Variants in COL4A2 observed in about 807,000 individuals in gnomAD.
COL4A2 encodes the protein collagen alpha-2(IV) chain.
Under a neutral mutation model 200.2 loss-of-function variants are expected in COL4A2, and 99 were observed. The observed-to-expected ratio is 0.49, with a 90% CI of 0.42 to 0.58. The LOEUF is 0.58. COL4A2 is among the 20% of genes least tolerant of loss of function. COL4A2 has a pLI of 0.00. For synonymous variants in COL4A2, 897 were observed against 900.6 expected (o/e 1.00, Z 0.07); for missense variants, 1,950 against 2,314.1 (o/e 0.84, Z 3.23).
intron 4 of COL4A2, among the ~76,000 whole-genome samples, chr13:110,422,142 G>A (rs1330226024): frequency 6.6e-6 from 1 of 152,198 alleles, no homozygotes; most frequent in Admixed American, 6.5e-5. Flanking sequence ...ACAGCCGGCA[G>A]ACACTAACAA....
chr13:110,393,907 A>T (rs1469809887), intron 4 of COL4A2, among the ~76,000 whole-genome samples: 1 of 152,198 alleles, frequency 6.6e-6, no homozygotes, highest in East Asian at 1.9e-4. Flanking sequence ...CATGACTCAG[A>T]TACAATGAGG....
In COL4A2 at chr13:110,465,559, C is replaced by G; in HGVS notation, c.1931C>G (p.Pro644Arg). The change falls in exon 25 of 48, where the codon CCA becomes CGA. Residue 644 changes from proline (P) to arginine (R), a missense_variant. Transcript: ENST00000360467. ...FPGDAGLPGPPGFLGPPGPAG... is the reference protein window; with the variant it reads ...FPGDAGLPGPRGFLGPPGPAG... ...GGAGACGCCGGCTTACCTGGACCAC[C>G]AGGCTTCCTGGGCCCTCCTGGCCCC... 1 of 1,613,948 alleles carries G rather than the reference C, an allele frequency of 6.2e-7. No homozygotes were observed. The highest frequency in any genetic ancestry group is 8.5e-7 in the Non-Finnish European group (1 of 1,179,974).
At chr13:110,351,277 G>C (rs193094055) in intron 3 of COL4A2, among the ~76,000 whole-genome samples, 23 of 152,076 alleles carry the variant, frequency 1.5e-4, no homozygotes, top group Non-Finnish European at 2.9e-4. Flanking sequence ...GTTTTGCTTT[G>C]TTACCCAGGC....
At chr13:110,366,945 A>G (rs1877782275) in intron 4 of COL4A2, among the ~76,000 whole-genome samples, 3 of 152,200 alleles carry the variant, frequency 2.0e-5, no homozygotes, top group Admixed American at 2.0e-4. Context: ...GAAGCGCTCA[A>G]GGTGTCAGAG....
rs760399386 is a variant in COL4A2, at chr13:110,507,940, G to T, written c.4600G>T (p.Ala1534Ser). ...CATGACCCCTCCTTCCACAGGGCTGGCGGGCTCCTGCCTGGCGCGGTTCAG... is the reference window on the plus strand; with the variant it reads ...CATGACCCCTCCTTCCACAGGGCTGTCGGGCTCCTGCCTGGCGCGGTTCAG... ...EKAHNQDLGLAGSCLARFSTM... is the reference protein window; with the variant it reads ...EKAHNQDLGLSGSCLARFSTM... Residue 1534 changes from alanine (A) to serine (S), a missense_variant, in exon 47 of 48, where the codon GCG becomes TCG. Around this residue, in one of 2 missense-constraint regions of COL4A2, gnomAD observed 1,385 missense variants for 1,720.5 expected, o/e 0.80. Coordinates refer to ENST00000360467, the MANE Select transcript of COL4A2 (RefSeq NM_001846.4). 5.6e-6 allele frequency: 9 copies of T among 1,613,224 alleles called. No homozygotes were observed. The highest frequency in any genetic ancestry group is 5.0e-5 in the Admixed American group (3 of 59,992).
intron 34 of COL4A2, 22 bp downstream of exon 34, chr13:110,485,858 C>G (rs770221305): frequency 1.2e-6 from 2 of 1,611,258 alleles, no homozygotes; most frequent in South Asian, 2.2e-5. Context: ...TCTTTTACTC[C>G]CCTTGTTCTG....
intron 4 of COL4A2, among the ~76,000 whole-genome samples, chr13:110,415,595 C>CTATCGTATCGTA (rs1566520832): frequency 2.0e-5 from 3 of 152,206 alleles, no homozygotes; most frequent in Admixed American, 2.0e-4. Context: ...GCGGAACCAA[C>CTATCGTATCGTA]TCAATATAAT....
chr13:110,421,107 A>G (rs1880234743), intron 4 of COL4A2, among the ~76,000 whole-genome samples: 2 of 152,254 alleles, frequency 1.3e-5, no homozygotes, highest in African/African-American at 4.8e-5. Context: ...TGGTGAGGAT[A>G]CAGAGGAATT....
At chr13:110,313,576 C>G (rs1389417124) in intron 3 of COL4A2, among the ~76,000 whole-genome samples, 5 of 46,258 alleles carry the variant, frequency 1.1e-4, no homozygotes, top group Non-Finnish European at 2.1e-4. Flanking sequence ...CCCCAGTGCC[C>G]CGTGTCCACC....
intron 27 of COL4A2, chr13:110,468,115 A>G: frequency 2.1e-6 from 1 of 470,168 alleles, no homozygotes; most frequent in Admixed American, 2.3e-5. Flanking sequence ...TATGAACAGC[A>G]ATGAGAGTTA....
At chr13:110,386,565 C>A (rs1181343811) in intron 4 of COL4A2, among the ~76,000 whole-genome samples, 1 of 152,166 alleles carries the variant, frequency 6.6e-6, no homozygotes, top group African/African-American at 2.4e-5. Context: ...TATAAGGCAA[C>A]TAGTGCACCA....
Position 110,512,039 on chromosome 13 carries a change from G to A in COL4A2, c.4987G>A (p.Gly1663Ser), listed in dbSNP as rs12877501. The change falls in exon 48 of 48, where the codon GGC becomes AGC. Residue 1663 changes from glycine (G) to serine (S), a missense_variant. By Grantham distance (56) the Gly-to-Ser change is moderately conservative. Coordinates refer to ENST00000360467, the MANE Select transcript of COL4A2 (RefSeq NM_001846.4). Reference protein sequence around the residue: ...TPFIECNGGRGTCHYYANKYS... With the variant: ...TPFIECNGGRSTCHYYANKYS... The stretch of plus-strand genomic sequence containing the variant: ...ATTCATCGAATGCAATGGAGGCCGC[G>A]GCACCTGCCACTACTACGCCAACAA... 7.2e-4 allele frequency: 1,161 copies of A among 1,613,506 alleles called. 3 individuals are homozygous for A. The highest frequency in any genetic ancestry group is 9.3e-4 in the Non-Finnish European group (1,100 of 1,180,032).
chr13:110,457,488 C>T, intron 21 of COL4A2, 53 bp downstream of exon 21: 1 of 1,052,154 alleles, frequency 9.5e-7, no homozygotes, highest in Non-Finnish European at 1.5e-6. Context: ...TTCCAAGTCC[C>T]TCACCTTACA....
intron 27 of COL4A2, chr13:110,468,091 C>A: frequency 4.3e-6 from 2 of 461,262 alleles, no homozygotes; most frequent in Non-Finnish European, 9.1e-6. Context: ...CTGTAGAGAG[C>A]GACACCAGTG....
At chr13:110,456,475 AAAT>A (rs1269734834) in intron 20 of COL4A2, 1 of 318,296 alleles carries the variant, frequency 3.1e-6, no homozygotes, top group Non-Finnish European at 6.1e-6. Context: ...CATGATCAAA[AAAT>A]CAAAACTTTT....
intron 22 of COL4A2, among the ~76,000 whole-genome samples, chr13:110,461,448 G>A (rs1429729612): frequency 6.6e-6 from 1 of 152,286 alleles, no homozygotes; most frequent in Non-Finnish European, 1.5e-5. Flanking sequence ...GGACACTGAA[G>A]ATGGGCCTAG....
intron 3 of COL4A2, among the ~76,000 whole-genome samples, chr13:110,309,722 T>C (rs1884918589): frequency 6.6e-6 from 1 of 152,170 alleles, no homozygotes; most frequent in African/African-American, 2.4e-5. Flanking sequence ...GCATGGCGGC[T>C]CACGCCTGTA....
intron 3 of COL4A2, among the ~76,000 whole-genome samples, chr13:110,319,857 A>G (rs1485590212): frequency 6.6e-6 from 1 of 152,058 alleles, no homozygotes; most frequent in Non-Finnish European, 1.5e-5. Flanking sequence ...CTCAGACAGG[A>G]TTTCCTTAGT....
chr13:110,446,590 G>A (rs1449374473), intron 17 of COL4A2, among the ~76,000 whole-genome samples: 1 of 152,166 alleles, frequency 6.6e-6, no homozygotes, highest in Non-Finnish European at 1.5e-5. Context: ...GTTCTCTTTG[G>A]GCACCTGTGG....
Sources: gnomAD v4.1 joint callset for allele counts (sites outside exome capture counted in the v4.1 genomes callset) on GRCh38, gnomAD v4.1.1 for gene constraint, gnomAD v4.1.1 regional missense constraint, MANE v1.5 for transcripts, NCBI Gene and HGNC (gene_info 2026-07-23, HGNC 2026-07-21) for gene names.